The following PHF3 variants were observed in gnomAD, a reference collection of about 807,000 sequenced individuals.
PHF3 encodes PHD finger protein 3.
Under a neutral mutation model 178.4 loss-of-function variants are expected in PHF3, and 41 were observed. The ratio of observed to expected loss-of-function variants is 0.23; its 90% CI spans 0.18 to 0.30. PHF3 has a LOEUF of 0.30. Among genes scored for constraint, PHF3 ranks in the 10% least tolerant of loss-of-function variants. The pLI is 1.00. For synonymous variants in PHF3, 842 were observed against 800.5 expected (o/e 1.05, Z -0.88); for missense variants, 2,346 against 2,398.1 (o/e 0.98, Z 0.45).
At chr6:63,703,309 G>C (rs74375684) in intron 10 of PHF3, among the ~76,000 whole-genome samples, 1,803 of 152,216 alleles carry the variant, frequency 0.012, 29 homozygotes, top group African/African-American at 0.042. Context: ...TTACTAGAAG[G>C]CTTGAAGAAT....
At chr6:63,702,372 A>G (rs760317184) in intron 9 of PHF3, 136 bp from the exon 10 acceptor site, 189 of 523,932 alleles carry the variant, frequency 3.6e-4, no homozygotes, top group Non-Finnish European at 4.4e-4. Flanking sequence ...TATGTTTGTT[A>G]TATGAGACAT....
At chr6:63,644,391 A>AT (rs981468664) in intron 1 of PHF3, among the ~76,000 whole-genome samples, 7 of 151,678 alleles carry the variant, frequency 4.6e-5, no homozygotes, top group African/African-American at 1.2e-4. Context: ...AATATACTAA[A>AT]TTTTTTTTTG....
chr6:63,651,504 G>A (rs962543162), intron 2 of PHF3, among the ~76,000 whole-genome samples: 1 of 152,116 alleles, frequency 6.6e-6, no homozygotes, highest in African/African-American at 2.4e-5. Flanking sequence ...CGGGATTACA[G>A]GGGCCTGCCA....
rs1380450823 is a variant in PHF3 at position 63,715,161 on chromosome 6, G to A, written c.*1453G>A. On this transcript the variant is annotated 3_prime_UTR_variant, in exon 16 of 16. Transcript: ENST00000262043. ...AATTATCCTTGTTATTTTTGCTGGA[G>A]AGAAGGGAGGAAATTCAGAACCAAA... 1 of 152,094 alleles carries A rather than the reference G, an allele frequency of 6.6e-6. No homozygotes were observed. The highest frequency in any genetic ancestry group is 1.5e-5 in the Non-Finnish European group (1 of 67,992). 9.4% of individuals were successfully genotyped at this position (152,094 alleles called of 1,614,324 possible).
chr6:63,676,173 G>T (rs1035306367), intron 2 of PHF3, among the ~76,000 whole-genome samples: 2 of 152,122 alleles, frequency 1.3e-5, no homozygotes, highest in Admixed American at 6.6e-5. Flanking sequence ...AGTTCTCCCA[G>T]TCTGTCTTTT....
intron 2 of PHF3, among the ~76,000 whole-genome samples, chr6:63,672,730 C>T (rs1002444052): frequency 2.0e-5 from 3 of 152,170 alleles, no homozygotes; most frequent in Non-Finnish European, 4.4e-5. Context: ...CGTAACCTAG[C>T]TTAACAGCAG....
chr6:63,685,391 A>G lies in PHF3; in HGVS notation c.1669A>G (p.Lys557Glu), dbSNP rs749905483. ...VRKKQIDKEP[K>E]IQSCNSGVKS... ...AAAAAAACAAATTGATAAGGAGCCAAAGATTCAGAGTTGCAATTCTGGGGT... is the reference window on the plus strand; with the variant it reads ...AAAAAAACAAATTGATAAGGAGCCAGAGATTCAGAGTTGCAATTCTGGGGT... Residue 557 changes from lysine to glutamate, a missense_variant, in exon 4 of 16, where the codon AAG (lysine) becomes GAG (glutamate). By Grantham distance (56) the Lys-to-Glu change is moderately conservative. Coordinates refer to ENST00000262043, the MANE Select transcript of PHF3 (RefSeq NM_001370348.2). The G allele has an allele frequency of 6.2e-6, 10 of 1,614,050 alleles. No individual in the cohort carries two copies. In the East Asian group the frequency reaches 1.6e-4, roughly 25 times the overall value.
Position 63,720,663 on chromosome 6 carries a change from T to A in PHF3, c.*6955T>A, listed in dbSNP as rs1420530149. ...TCCTTCTAATTTAATTAGTTCAATG[T>A]TTTTTGGTTCCTGAAAAAATACAAC... On this transcript the variant is annotated 3_prime_UTR_variant, in exon 16 of 16. Coordinates refer to ENST00000262043, the MANE Select transcript of PHF3 (RefSeq NM_001370348.2). The A allele has an allele frequency of 1.9e-6, 3 of 1,540,688 alleles. No homozygotes were observed. Among genetic ancestry groups the A allele is most frequent in the Non-Finnish European group, 1.8e-6 (2 of 1,142,242 alleles).
rs200652120 is a variant in PHF3, at chr6:63,725,349, AT to A, written c.*11643del. Among the ~76,000 whole-genome samples the A allele has an allele frequency of 0.022, 3,307 of 152,208 alleles. 116 individuals carry two copies. Among genetic ancestry groups the A allele is most frequent in the African/African-American group, 0.073 (3,035 of 41,520 alleles). On this transcript the variant is annotated 3_prime_UTR_variant, in exon 16 of 16. Coordinates refer to ENST00000262043, the MANE Select transcript of PHF3 (RefSeq NM_001370348.2). The stretch of plus-strand genomic sequence containing the variant: ...CAAACAAATATGTATCGTTGTACTG[AT>A]TATAAAACTGTAGTACAATATTCCC...
At chr6:63,665,170 T>A (rs903580437) in intron 2 of PHF3, among the ~76,000 whole-genome samples, 2 of 152,040 alleles carry the variant, frequency 1.3e-5, no homozygotes, top group African/African-American at 2.4e-5. Flanking sequence ...TTAGCCCGAG[T>A]TTTTTCTTTT....
At chr6:63,675,861 ATTATTGTCATTCTTCATTTACT>A (rs1201871815) in intron 2 of PHF3, among the ~76,000 whole-genome samples, 1 of 152,102 alleles carries the variant, frequency 6.6e-6, no homozygotes, top group African/African-American at 2.4e-5. Context: ...AGCGACTACA[ATTATTGTCATTCTTCATTTACT>A]TACTTCTTAA....
At chr6:63,685,990 T>A in intron 4 of PHF3, 79 bp downstream of exon 4, 1 of 942,614 alleles carries the variant, frequency 1.1e-6, no homozygotes, top group East Asian at 2.5e-5. Flanking sequence ...ATGTGAGAAT[T>A]GTTTTAAAGA....
rs1347310856 is a variant in PHF3, at chr6:63,718,479, T to A, written c.*4771T>A. On this transcript the variant is annotated 3_prime_UTR_variant, in exon 16 of 16. Coordinates refer to ENST00000262043, the MANE Select transcript of PHF3 (RefSeq NM_001370348.2). ...GATAATCTCATCTGTTAATGTAACATTTATATAAAAGTTAACTTCCAAACT... is the reference window on the plus strand; with the variant it reads ...GATAATCTCATCTGTTAATGTAACAATTATATAAAAGTTAACTTCCAAACT... 6.6e-6 allele frequency among the ~76,000 whole-genome samples: 1 copy of A among 152,034 alleles called. No individual in the cohort carries two copies. The highest frequency in any genetic ancestry group is 1.5e-5 in the Non-Finnish European group (1 of 67,946).
In PHF3 at chr6:63,684,992, G is replaced by A. The variant is rs777894990; in HGVS notation, c.1270G>A (p.Val424Ile). ...TEFNKSNLEV[V>I]DTSTFGPESN... ...GTTTAATAAATCAAACTTAGAGGTG[G>A]TTGATACTAGTACTTTTGGACCGGA... is the stretch of plus-strand genomic sequence containing the variant. Residue 424 changes from valine (V) to isoleucine (I), a missense_variant, in exon 4 of 16, where the codon GTT becomes ATT. Val to Ile is a conservative substitution (Grantham distance 29). Coordinates refer to ENST00000262043, the MANE Select transcript of PHF3 (RefSeq NM_001370348.2). 2.5e-6 allele frequency: 4 copies of A among 1,614,062 alleles called. No individual in the cohort carries two copies. The East Asian group carries it at 8.9e-5, about 36-fold the overall frequency.
intron 2 of PHF3, chr6:63,678,836 A>G (rs1160127762): frequency 2.2e-6 from 1 of 453,358 alleles, no homozygotes; most frequent in South Asian, 1.6e-5. Flanking sequence ...AGGATAGACC[A>G]CTATCTTGTT....
intron 2 of PHF3, among the ~76,000 whole-genome samples, chr6:63,653,053 T>C (rs1368223276): frequency 6.6e-6 from 1 of 151,414 alleles, no homozygotes; most frequent in Non-Finnish European, 1.5e-5. Flanking sequence ...TGTATTTTTT[T>C]TTGTGTGTGT....
At chr6:63,660,040 G>T (rs527655620) in intron 2 of PHF3, among the ~76,000 whole-genome samples, 9 of 151,856 alleles carry the variant, frequency 5.9e-5, no homozygotes, top group African/African-American at 1.2e-4. Flanking sequence ...TTTTGTTTTT[G>T]TGTGTGTGTG....
intron 2 of PHF3, 117 bp from the exon 3 acceptor site, chr6:63,679,879 CAGAT>C: frequency 1.2e-6 from 1 of 841,132 alleles, no homozygotes; most frequent in Non-Finnish European, 2.0e-6. Flanking sequence ...TTTCACATTC[CAGAT>C]TTTCAAGAGT....
chr6:63,702,005 A>T (rs1767496738), intron 9 of PHF3, among the ~76,000 whole-genome samples: 1 of 152,158 alleles, frequency 6.6e-6, no homozygotes, highest in South Asian at 2.1e-4. Context: ...TTTTGTTGCT[A>T]AGCTTGTTCA....
Sources: allele counts gnomAD v4.1 joint callset (sites outside exome capture counted in the v4.1 genomes callset), GRCh38; gene constraint gnomAD v4.1.1; transcripts MANE v1.5; gene names NCBI Gene and HGNC (gene_info 2026-07-23, HGNC 2026-07-21).